Variants in CSMD1 observed in about 807,000 individuals in gnomAD.
The protein encoded by CSMD1 is CUB and sushi domain-containing protein 1.
A neutral mutation model predicts 417.5 loss-of-function variants in CSMD1; 213 were observed. The ratio of observed to expected loss-of-function variants is 0.51; its 90% CI spans 0.46 to 0.57. CSMD1 has a LOEUF of 0.57. Ranked by LOEUF, CSMD1 falls within the 20% of genes least tolerant of loss-of-function variation. The pLI is 0.00. For synonymous variants in CSMD1, 2,862 were observed against 1,736.8 expected, an observed-to-expected ratio of 1.65 and a Z score of -16.11; for missense variants, 6,923 against 4,529.7, an observed-to-expected ratio of 1.53 and a Z score of -15.17.
intron 4 of CSMD1, among the ~76,000 whole-genome samples, chr8:4,003,263 G>C (rs116423089): frequency 1.3e-5 from 2 of 152,020 alleles, no homozygotes; most frequent in East Asian, 3.9e-4. Context: ...TGTGGTGACG[G>C]GCACTTGTAA....
At chr8:3,965,217 A>G (rs1812589443) in intron 5 of CSMD1, among the ~76,000 whole-genome samples, 1 of 152,168 alleles carries the variant, frequency 6.6e-6, no homozygotes, top group Non-Finnish European at 1.5e-5. Context: ...GGAGGGGCTG[A>G]ACTTGAACAG....
intron 69 of CSMD1, among the ~76,000 whole-genome samples, chr8:2,941,534 T>C (rs745745960): frequency 3.9e-5 from 6 of 152,218 alleles, no homozygotes; most frequent in Admixed American, 2.0e-4. Flanking sequence ...TAATGTATTA[T>C]CCATATATGG....
At chr8:4,313,748 G>A (rs927334744) in intron 3 of CSMD1, among the ~76,000 whole-genome samples, 3 of 152,086 alleles carry the variant, frequency 2.0e-5, no homozygotes, top group African/African-American at 4.8e-5. Flanking sequence ...GGGCACAGTG[G>A]CTCACACCTG....
At chr8:3,644,745 G>C (rs960366722) in intron 7 of CSMD1, among the ~76,000 whole-genome samples, 1 of 152,066 alleles carries the variant, frequency 6.6e-6, no homozygotes, top group African/African-American at 2.4e-5. Flanking sequence ...TGCAGTGCCA[G>C]CAGACAGAAT....
At chr8:4,003,819 A>G (rs1355052192) in intron 4 of CSMD1, among the ~76,000 whole-genome samples, 1 of 147,834 alleles carries the variant, frequency 6.8e-6, no homozygotes, top group Non-Finnish European at 1.5e-5. Context: ...TACGTGTCTG[A>G]TATTCTACCA....
chr8:3,217,701 T>A (rs1242260720), intron 29 of CSMD1, among the ~76,000 whole-genome samples: 1 of 152,180 alleles, frequency 6.6e-6, no homozygotes, highest in African/African-American at 2.4e-5. Flanking sequence ...ATACTCTGAT[T>A]GCTAAATTGT....
rs528804048 is a variant in CSMD1, at chr8:4,783,202, C to T, written c.86-145644G>A. Among the ~76,000 whole-genome samples the T allele has an allele frequency of 3.9e-5, 6 of 152,288 alleles. No homozygotes were observed. In the South Asian group the frequency reaches 1.2e-3, roughly 32 times the overall value. ...TAGTTGAAATACACTTAACATTAGG[C>T]ATTAAATAAGAATTGTATTTCGTGA... On this transcript the variant is annotated intron_variant, in intron 1 of 69. Coordinates refer to ENST00000635120, the MANE Select transcript of CSMD1 (RefSeq NM_033225.6).
intron 3 of CSMD1, among the ~76,000 whole-genome samples, chr8:4,064,207 C>G (rs1196951349): frequency 6.6e-6 from 1 of 152,180 alleles, no homozygotes; most frequent in Admixed American, 6.5e-5. Flanking sequence ...CACCATGGCT[C>G]AGATTTGTTT....
intron 1 of CSMD1, among the ~76,000 whole-genome samples, chr8:4,657,628 A>G (rs560722187): frequency 1.1e-4 from 16 of 152,172 alleles, no homozygotes; most frequent in African/African-American, 3.9e-4. Context: ...ATTAATTTGC[A>G]CAGTTACCAA....
intron 1 of CSMD1, among the ~76,000 whole-genome samples, chr8:4,657,758 T>A (rs1804336302): frequency 1.4e-5 from 2 of 145,234 alleles, no homozygotes; most frequent in African/African-American, 5.0e-5. Flanking sequence ...AGCACGGACA[T>A]TTGAATTAGT....
chr8:4,304,478 G>C (rs1452501106), intron 3 of CSMD1, among the ~76,000 whole-genome samples: 1 of 152,142 alleles, frequency 6.6e-6, no homozygotes, highest in African/African-American at 2.4e-5. Context: ...ATAGTACAGA[G>C]TCCCATCCTG....
intron 11 of CSMD1, among the ~76,000 whole-genome samples, chr8:3,491,324 T>G (rs940575428): frequency 1.3e-5 from 2 of 152,168 alleles, no homozygotes; most frequent in African/African-American, 4.8e-5. Context: ...AAACTTCAGC[T>G]TCATCAATGA....
chr8:4,694,713 T>G (rs1807004478), intron 1 of CSMD1, among the ~76,000 whole-genome samples: 1 of 152,176 alleles, frequency 6.6e-6, no homozygotes, highest in Admixed American at 6.5e-5. Context: ...CCCTACAATG[T>G]GTAACGTCAA....
At chr8:2,956,007 C>T (rs1041563639) in intron 63 of CSMD1, among the ~76,000 whole-genome samples, 4 of 151,970 alleles carry the variant, frequency 2.6e-5, no homozygotes, top group African/African-American at 9.7e-5. Context: ...TCCCAAAGTA[C>T]TGGGATTACA....
chr8:4,241,922 T>C (rs1474146262), intron 3 of CSMD1, among the ~76,000 whole-genome samples: 1 of 152,184 alleles, frequency 6.6e-6, no homozygotes, highest in African/African-American at 2.4e-5. Flanking sequence ...GAAGCTATTT[T>C]ATACTGTCCT....
At chr8:4,966,182 A>T (rs4400402) in intron 1 of CSMD1, among the ~76,000 whole-genome samples, 6 of 143,396 alleles carry the variant, frequency 4.2e-5, no homozygotes, top group African/African-American at 1.6e-4. Context: ...TGGCTAACAT[A>T]GTGGAAGCCC....
chr8:4,513,363 T>C (rs1802932145), intron 2 of CSMD1, among the ~76,000 whole-genome samples: 1 of 152,196 alleles, frequency 6.6e-6, no homozygotes, highest in Non-Finnish European at 1.5e-5. Flanking sequence ...GAAGCTACTA[T>C]AGCGATGCTA....
At chr8:4,410,084 G>A (rs1323913577) in intron 3 of CSMD1, among the ~76,000 whole-genome samples, 1 of 152,138 alleles carries the variant, frequency 6.6e-6, no homozygotes, top group Admixed American at 6.5e-5. Context: ...AAAGTGCTGG[G>A]ATTACAGCCA....
intron 5 of CSMD1, among the ~76,000 whole-genome samples, chr8:3,973,474 G>A (rs990228697): frequency 6.6e-6 from 1 of 152,116 alleles, no homozygotes; most frequent in Admixed American, 6.5e-5. Context: ...TTCTGAAGTT[G>A]TTTATTTTAA....
Sources: allele counts gnomAD v4.1 joint callset (sites outside exome capture counted in the v4.1 genomes callset), GRCh38; gene constraint gnomAD v4.1.1; transcripts MANE v1.5; gene names NCBI Gene and HGNC (gene_info 2026-07-23, HGNC 2026-07-21).